HSD3B1: variants seen among roughly 807,000 people sequenced by gnomAD.
HSD3B1 encodes hydroxy-delta-5-steroid dehydrogenase, 3 beta- and steroid delta-isomerase 1, also known as 3 beta-hydroxysteroid dehydrogenase/Delta 5-->4-isomerase type 1.
A neutral mutation model predicts 10.4 loss-of-function variants in HSD3B1; 11 were observed. The ratio of observed to expected loss-of-function variants is 1.05; its 90% CI spans 0.66 to 1.75. The LOEUF is 1.75. HSD3B1 is among the 40% of genes most tolerant of loss of function. The pLI is 0.00. For synonymous variants in HSD3B1, 217 were observed against 185.4 expected (o/e 1.17, Z -1.39); for missense variants, 490 against 454.5 (o/e 1.08, Z -0.71).
Position 119,508,382 on chromosome 1 carries a change from AAC to A in HSD3B1, c.145+763_145+764del, listed in dbSNP as rs1491004747. ...TATGGCTTTTTTTTAAAAAAAAAAAAACAAAACATTTACCTCTGTTGCTCATC... is the reference window on the plus strand; with the variant it reads ...TATGGCTTTTTTTTAAAAAAAAAAAAAAAACATTTACCTCTGTTGCTCATC... On this transcript the variant is annotated intron_variant, in intron 2 of 3. Coordinates refer to ENST00000369413, the MANE Select transcript of HSD3B1 (RefSeq NM_000862.3). 2.1e-4 allele frequency among the ~76,000 whole-genome samples: 32 copies of A among 150,198 alleles called. No homozygotes were observed. In the South Asian group the frequency reaches 2.3e-3, roughly 11 times the overall value.
chr1:119,514,651 G>C lies in HSD3B1; in HGVS notation c.*6G>C, dbSNP rs756614568. ...TGAAGTCCAAGACTCAGTGATTTAAGGATGACAGAGATGTGCATGTGGGTA... is the reference window on the plus strand; with the variant it reads ...TGAAGTCCAAGACTCAGTGATTTAACGATGACAGAGATGTGCATGTGGGTA... On this transcript the variant is annotated 3_prime_UTR_variant, in exon 4 of 4. Transcript: ENST00000369413. The C allele has an allele frequency of 3.1e-6, 5 of 1,613,120 alleles. No individual in the cohort carries two copies. In the Admixed American group the frequency reaches 8.3e-5, roughly 27 times the overall value.
Position 119,514,488 on chromosome 1 carries a change from T to G in HSD3B1, c.965T>G (p.Leu322Trp). Residue 322 changes from leucine (L) to tryptophan (W), a missense_variant, in exon 4 of 4, where the codon TTG (leucine) becomes TGG (tryptophan). Transcript: ENST00000369413. ...CCCTTCAACCGCCACATAGTCACAT[T>G]GTCAAATAGCGTATTCACCTTCTCT... is the stretch of plus-strand genomic sequence containing the variant. ...RPPFNRHIVTLSNSVFTFSYK... is the reference protein window; with the variant it reads ...RPPFNRHIVTWSNSVFTFSYK... 1 of 1,614,036 alleles carries G rather than the reference T, an allele frequency of 6.2e-7. No individual in the cohort carries two copies. Among genetic ancestry groups the G allele is most frequent in the African/African-American group, 1.3e-5 (1 of 75,000 alleles).
Position 119,514,719 on chromosome 1 carries a change from C to A in HSD3B1, c.*74C>A. The A allele has an allele frequency of 6.6e-7, 1 of 1,517,718 alleles. No homozygotes were observed. Among genetic ancestry groups the A allele is most frequent in the Non-Finnish European group, 9.0e-7 (1 of 1,108,962 alleles). The allele number at this position is 1,517,718 out of a possible 1,614,324, so 94.0% of individuals were successfully genotyped here. On this transcript the variant is annotated 3_prime_UTR_variant, in exon 4 of 4. Transcript: ENST00000369413. ...CAAGCTCCACCCTCCTGGCCTCATA[C>A]AGAAAGTGACAAGGGCACAAGCTCA...
At chr1:119,513,689 TCAGA>T (rs1450416306) in intron 3 of HSD3B1, 141 bp from the exon 4 acceptor site, 4 of 797,988 alleles carry the variant, frequency 5.0e-6, no homozygotes, top group East Asian at 2.5e-5. Flanking sequence ...CGACCAAATC[TCAGA>T]CAGAACCACA....
chr1:119,508,839 T>C (rs1254946629), intron 2 of HSD3B1, among the ~76,000 whole-genome samples: 1 of 152,270 alleles, frequency 6.6e-6, no homozygotes, highest in African/African-American at 2.4e-5. Flanking sequence ...CTCTGACCTC[T>C]TGAAATGTTC....
At chr1:119,513,795 G>T in intron 3 of HSD3B1, 39 bp from the exon 4 acceptor site, 1 of 1,599,788 alleles carries the variant, frequency 6.3e-7, no homozygotes, top group Non-Finnish European at 8.5e-7. Context: ...ACCTCTTAGG[G>T]ATATATCCTG....
chr1:119,511,282 A>G (rs940160055), intron 2 of HSD3B1, among the ~76,000 whole-genome samples: 41 of 152,168 alleles, frequency 2.7e-4, no homozygotes, highest in Non-Finnish European at 3.5e-4. Context: ...TTACTTTTCT[A>G]AAATGAGATG....
chr1:119,511,703 G>T (rs1478413446), intron 3 of HSD3B1, 36 bp downstream of exon 3: 2 of 1,596,888 alleles, frequency 1.3e-6, no homozygotes, highest in Admixed American at 3.3e-5. Flanking sequence ...AGCAAGGTGG[G>T]GAATTAAGGA....
intron 2 of HSD3B1, among the ~76,000 whole-genome samples, chr1:119,510,218 C>A (rs1653894163): frequency 1.3e-5 from 2 of 152,188 alleles, no homozygotes; most frequent in Non-Finnish European, 2.9e-5. Context: ...TTCAGAGGAA[C>A]CTGAAGACAT....
At position 119,514,287 on chromosome 1, in the gene HSD3B1, A is replaced by G. The variant is rs200698756; in HGVS notation, c.764A>G (p.Tyr255Cys). The change falls in exon 4 of 4, where the codon TAT becomes TGT. Residue 255 changes from tyrosine (Y) to cysteine (C), a missense_variant. Tyr to Cys is a radical substitution (Grantham distance 194). Transcript: ENST00000369413. ...CCAAGCATCCGAGGACAGTTCTACT[A>G]TATCTCAGATGACACGCCTCACCAA... The part of the protein sequence containing the change: ...KAPSIRGQFY[Y>C]ISDDTPHQSY... 23 of 1,614,068 alleles carry G rather than the reference A, an allele frequency of 1.4e-5. No homozygotes were observed. Among genetic ancestry groups the G allele is most frequent in the East Asian group, 8.9e-5 (4 of 44,848 alleles).
rs779425536 is a variant in HSD3B1, at chr1:119,513,913, G to A, written c.390G>A (p.Gly130=). The change falls in exon 4 of 4, where the codon GGG becomes GGA. Residue 130 remains glycine (G), a synonymous_variant. Coordinates refer to ENST00000369413, the MANE Select transcript of HSD3B1 (RefSeq NM_000862.3). The part of the protein sequence containing the change: ...FIYTSSIEVA[G]PNSYKEIIQN... Reference sequence around the variant, plus strand: ...ACACCAGTAGCATAGAGGTAGCCGGGCCCAACTCCTACAAGGAAATCATCC... The same window carrying A: ...ACACCAGTAGCATAGAGGTAGCCGGACCCAACTCCTACAAGGAAATCATCC... 1.2e-5 allele frequency: 19 copies of A among 1,613,866 alleles called. No homozygotes were observed. In the Admixed American group the frequency reaches 1.8e-4, roughly 16 times the overall value.
chr1:119,514,777 AC>A lies in HSD3B1; in HGVS notation c.*133del. 1 of 957,800 alleles carries A rather than the reference AC, an allele frequency of 1.0e-6. No homozygotes were observed. The highest frequency in any genetic ancestry group is 2.0e-5 in the Admixed American group (1 of 49,164). The allele number at this position is 957,800 out of a possible 1,614,324, so 59.3% of individuals were successfully genotyped here. A position where few individuals can be genotyped will look rare whatever the true frequency, so the allele number is the denominator to read the frequency against. ...CTGCCTCCCTTTCATACAATGGCCA[AC>A]TTATTGTATTCCTCATGTCATCAAA... On this transcript the variant is annotated 3_prime_UTR_variant, in exon 4 of 4. Transcript: ENST00000369413.
In HSD3B1 at chr1:119,513,775, C is replaced by T. The variant is rs140296631; in HGVS notation, c.311-59C>T. 6.2e-4 allele frequency: 943 copies of T among 1,519,904 alleles called. 8 individuals are homozygous for T. In the African/African-American group the frequency reaches 0.01, roughly 17 times the overall value. 94.2% of individuals were successfully genotyped at this position (1,519,904 alleles called of 1,614,324 possible). ...GGGGTGGGGCACATAGATCTGTGTTCGTGGTTGGCACCTCTTAGGGATATA... is the reference window on the plus strand; with the variant it reads ...GGGGTGGGGCACATAGATCTGTGTTTGTGGTTGGCACCTCTTAGGGATATA... On this transcript the variant is annotated intron_variant, in intron 3 of 3. Coordinates refer to ENST00000369413, the MANE Select transcript of HSD3B1 (RefSeq NM_000862.3).
chr1:119,510,661 T>C (rs1429238834), intron 2 of HSD3B1, among the ~76,000 whole-genome samples: 3 of 149,864 alleles, frequency 2.0e-5, no homozygotes, highest in Non-Finnish European at 4.5e-5. Context: ...CAAGATTAAC[T>C]TCCTACACCA....
chr1:119,514,889 C>G lies in HSD3B1; in HGVS notation c.*244C>G, dbSNP rs1654065196. On this transcript the variant is annotated 3_prime_UTR_variant, in exon 4 of 4. Transcript: ENST00000369413. Reference sequence around the variant, plus strand: ...ACCATGTGGTTTGCTGTTACCAAATCTCAGTAGCTGATTCTGAACAATTTA... The same window carrying G: ...ACCATGTGGTTTGCTGTTACCAAATGTCAGTAGCTGATTCTGAACAATTTA... 1.8e-6 allele frequency: 1 copy of G among 547,608 alleles called. No homozygotes were observed. The highest frequency in any genetic ancestry group is 1.9e-5 in the African/African-American group (1 of 52,924). 33.9% of individuals were successfully genotyped at this position (547,608 alleles called of 1,614,324 possible). A position where few individuals can be genotyped will look rare whatever the true frequency, so the allele number is the denominator to read the frequency against.
At position 119,509,737 on chromosome 1, in the gene HSD3B1, G is replaced by T. The variant is rs2101457248; in HGVS notation, c.146-1766G>T. ...TGGCAGAGGCATCAGGAGAGCAAGT[G>T]GTCCTGCTTGTACCCCAGGAAGGAA... On this transcript the variant is annotated intron_variant, in intron 2 of 3. Coordinates refer to ENST00000369413, the MANE Select transcript of HSD3B1 (RefSeq NM_000862.3). Among the ~76,000 whole-genome samples, 4 of 152,192 alleles carry T rather than the reference G, an allele frequency of 2.6e-5. No individual in the cohort carries two copies. In the Middle Eastern group the frequency reaches 0.014, roughly 518 times the overall value.
chr1:119,508,779 C>T (rs1214856135), intron 2 of HSD3B1, among the ~76,000 whole-genome samples: 1 of 152,222 alleles, frequency 6.6e-6, no homozygotes, highest in Non-Finnish European at 1.5e-5. Context: ...CAGAGAATCC[C>T]CCACTTGACA....
chr1:119,511,359 C>T (rs761147957), intron 2 of HSD3B1, 144 bp from the exon 3 acceptor site: 5 of 731,628 alleles, frequency 6.8e-6, no homozygotes, highest in South Asian at 1.7e-5. Context: ...GCCTTTTTTA[C>T]TTGTTCTTTC....
At chr1:119,511,433 T>C (rs1232533454) in intron 2 of HSD3B1, 70 bp from the exon 3 acceptor site, 1 of 1,502,334 alleles carries the variant, frequency 6.7e-7, no homozygotes. Flanking sequence ...CTATGTAACA[T>C]CACCTTTATC....
Sources: allele counts gnomAD v4.1 joint callset (sites outside exome capture counted in the v4.1 genomes callset), GRCh38; gene constraint gnomAD v4.1.1; transcripts MANE v1.5; gene names NCBI Gene and HGNC (gene_info 2026-07-23, HGNC 2026-07-21).